MPZL1: variants seen among roughly 807,000 people sequenced by gnomAD.
MPZL1 encodes the protein myelin protein zero-like protein 1.
A neutral mutation model predicts 29.3 loss-of-function variants in MPZL1; 16 were observed. The observed-to-expected ratio is 0.55, with a 90% CI of 0.37 to 0.83. The LOEUF (loss-of-function observed/expected upper bound fraction) is 0.83. Among genes scored for constraint, MPZL1 ranks in the 40% least tolerant of loss-of-function variants. The pLI, the probability that MPZL1 is intolerant of heterozygous loss-of-function variation, is 0.00. For synonymous variants in MPZL1, 143 were observed against 132.0 expected (o/e 1.08, Z -0.57); for missense variants, 279 against 332.9 (o/e 0.84, Z 1.26).
At chr1:167,759,998 A>G (rs186214004) in intron 1 of MPZL1, among the ~76,000 whole-genome samples, 1 of 152,042 alleles carries the variant, frequency 6.6e-6, no homozygotes, top group Non-Finnish European at 1.5e-5. Context: ...TAGAAGAGTG[A>G]TATGATCCAA....
intron 1 of MPZL1, among the ~76,000 whole-genome samples, chr1:167,746,408 C>T (rs2101763370): frequency 6.6e-6 from 1 of 152,208 alleles, no homozygotes; most frequent in East Asian, 1.9e-4. Context: ...GCATGTTAGG[C>T]AGCATTGTAA....
At chr1:167,758,717 G>C (rs994060385) in intron 1 of MPZL1, among the ~76,000 whole-genome samples, 3 of 152,250 alleles carry the variant, frequency 2.0e-5, no homozygotes, top group Admixed American at 6.5e-5. Flanking sequence ...TTAAGGGTCA[G>C]TGTCACTTCA....
At chr1:167,777,635 G>T (rs1399816895) in intron 5 of MPZL1, among the ~76,000 whole-genome samples, 1 of 152,190 alleles carries the variant, frequency 6.6e-6, no homozygotes, top group African/African-American at 2.4e-5. Flanking sequence ...GTCCCCTTGA[G>T]TCTTTGTCTG....
intron 1 of MPZL1, among the ~76,000 whole-genome samples, chr1:167,743,450 C>T (rs1025982372): frequency 1.3e-5 from 2 of 152,024 alleles, no homozygotes; most frequent in Non-Finnish European, 2.9e-5. Context: ...TCGTGACCCT[C>T]CCGCCTCGGC....
chr1:167,775,260 G>A (rs925524540), intron 4 of MPZL1, among the ~76,000 whole-genome samples: 15 of 152,176 alleles, frequency 9.9e-5, no homozygotes, highest in Admixed American at 6.5e-5. Flanking sequence ...GTATGCTTTG[G>A]TCTTAGTAAT....
chr1:167,788,013 G>C lies in MPZL1; in HGVS notation c.*92G>C. ...GCCCATTACCACATGTAGCCTTGGA[G>C]ACCCAGGCAAGGACAAGTACACGTG... On this transcript the variant is annotated 3_prime_UTR_variant, in exon 6 of 6. Coordinates refer to ENST00000359523, the MANE Select transcript of MPZL1 (RefSeq NM_003953.6). The C allele has an allele frequency of 9.8e-7, 1 of 1,021,128 alleles. No individual in the cohort carries two copies. The highest frequency in any genetic ancestry group is 1.5e-6 in the Non-Finnish European group (1 of 656,762). 63.3% of individuals were successfully genotyped at this position (1,021,128 alleles called of 1,614,324 possible).
chr1:167,748,500 T>C (rs1660693221), intron 1 of MPZL1, among the ~76,000 whole-genome samples: 1 of 152,364 alleles, frequency 6.6e-6, no homozygotes, highest in East Asian at 1.9e-4. Context: ...GCAATGTTGA[T>C]GGTAAGTGTT....
intron 1 of MPZL1, among the ~76,000 whole-genome samples, chr1:167,750,287 G>A (rs1272291653): frequency 1.3e-5 from 2 of 151,900 alleles, no homozygotes; most frequent in African/African-American, 4.8e-5. Flanking sequence ...TGCAACCTCC[G>A]CCTCCAGGGT....
intron 1 of MPZL1, among the ~76,000 whole-genome samples, chr1:167,757,162 A>G (rs1660886491): frequency 6.6e-6 from 1 of 152,210 alleles, no homozygotes; most frequent in Non-Finnish European, 1.5e-5. Context: ...CTTCAGCTGC[A>G]GGGTGGCCCT....
At chr1:167,760,757 G>GTA in intron 1 of MPZL1, among the ~76,000 whole-genome samples, 1 of 122,896 alleles carries the variant, frequency 8.1e-6, no homozygotes, top group East Asian at 2.2e-4. Flanking sequence ...CTGTGTGTGT[G>GTA]TGTGTGTGTG....
Position 167,722,165 on chromosome 1 carries a change from C to G in MPZL1, c.14C>G (p.Ala5Gly). ...AGTGGCTGGACGATGGCAGCGTCCG[C>G]CGGAGCCGGGGCGGTGATTGCAGCC... The part of the protein sequence containing the change: MAAS[A>G]GAGAVIAAPD... The change falls in exon 1 of 6, where the codon GCC becomes GGC. Residue 5 changes from alanine (A) to glycine (G), a missense_variant. Transcript: ENST00000359523. 1 of 1,236,382 alleles carries G rather than the reference C, an allele frequency of 8.1e-7. No individual in the cohort carries two copies. Among genetic ancestry groups the G allele is most frequent in the Non-Finnish European group, 1.0e-6 (1 of 988,410 alleles). The allele number at this position is 1,236,382 out of a possible 1,614,324, so 76.6% of individuals were successfully genotyped here.
chr1:167,744,683 C>CAA (rs3075159), intron 1 of MPZL1, among the ~76,000 whole-genome samples: 26,876 of 126,592 alleles, frequency 0.21, 3,112 homozygotes, highest in East Asian at 0.36. Context: ...AACTCAGTCT[C>CAA]AAAAAAAAAA....
intron 2 of MPZL1, among the ~76,000 whole-genome samples, chr1:167,767,091 C>T (rs1661129959): frequency 6.6e-6 from 1 of 152,218 alleles, no homozygotes; most frequent in Admixed American, 6.5e-5. Context: ...CCAGTGTTTG[C>T]TCCCTTGGGG....
At position 167,787,805 on chromosome 1, in the gene MPZL1, G is replaced by C. The variant is rs754786617; in HGVS notation, c.709-15G>C. 1.2e-5 allele frequency: 19 copies of C among 1,590,910 alleles called. No homozygotes were observed. The highest frequency in any genetic ancestry group is 2.7e-5 in the African/African-American group (2 of 74,350). On this transcript the variant is annotated splice_polypyrimidine_tract_variant and intron_variant, in intron 5 of 5. Coordinates refer to ENST00000359523, the MANE Select transcript of MPZL1 (RefSeq NM_003953.6). ...GCGTTTTCAGTCCTCTAATCCTTCT[G>C]CTTCCCTTTTCCAGGGCCCAGTCAT...
intron 1 of MPZL1, among the ~76,000 whole-genome samples, chr1:167,725,038 A>G (rs897007726): frequency 2.6e-5 from 4 of 152,238 alleles, no homozygotes; most frequent in Admixed American, 1.3e-4. Context: ...AGCACATAGT[A>G]TATGAGGACT....
At chr1:167,739,984 C>T (rs568059290) in intron 1 of MPZL1, among the ~76,000 whole-genome samples, 31 of 152,136 alleles carry the variant, frequency 2.0e-4, no homozygotes, top group Non-Finnish European at 2.5e-4. Flanking sequence ...TTCCCTCTCC[C>T]GCTCCAACTT....
At chr1:167,757,137 G>C (rs1479367023) in intron 1 of MPZL1, among the ~76,000 whole-genome samples, 1 of 152,174 alleles carries the variant, frequency 6.6e-6, no homozygotes, top group Non-Finnish European at 1.5e-5. Context: ...CTGATTCGCG[G>C]GAGGAAAGAG....
At chr1:167,741,408 C>T (rs964413796) in intron 1 of MPZL1, among the ~76,000 whole-genome samples, 3 of 148,774 alleles carry the variant, frequency 2.0e-5, no homozygotes, top group African/African-American at 7.4e-5. Flanking sequence ...TCACTGCAAC[C>T]TCCGCCTCCC....
chr1:167,727,712 G>A (rs1461700694), intron 1 of MPZL1, among the ~76,000 whole-genome samples: 3 of 152,098 alleles, frequency 2.0e-5, no homozygotes, highest in Non-Finnish European at 4.4e-5. Context: ...CTAGAGTCCA[G>A]ACAAAAGTCT....
Sources: gnomAD v4.1 joint callset for allele counts (sites outside exome capture counted in the v4.1 genomes callset) on GRCh38, gnomAD v4.1.1 for gene constraint, MANE v1.5 for transcripts, NCBI Gene and HGNC (gene_info 2026-07-23, HGNC 2026-07-21) for gene names.